KDM4C: variants seen among roughly 807,000 people sequenced by gnomAD.
The protein encoded by KDM4C is lysine-specific demethylase 4C.
In KDM4C, 81 loss-of-function variants were observed where a neutral mutation model predicts 129.3. The observed-to-expected ratio is 0.63, with a 90% CI of 0.52 to 0.75. The LOEUF is 0.75. Among genes scored for constraint, KDM4C ranks in the 30% least tolerant of loss-of-function variants. The pLI is 0.00. For missense variants in KDM4C, 1,457 were observed against 1,304.0 expected (o/e 1.12, Z -1.81); for synonymous variants, 573 against 456.1 (o/e 1.26, Z -3.26).
intron 14 of KDM4C, among the ~76,000 whole-genome samples, chr9:7,015,312 T>C (rs1190664249): frequency 6.6e-6 from 1 of 152,118 alleles, no homozygotes; most frequent in African/African-American, 2.4e-5. Context: ...CTTGATGCCA[T>C]ATAATTGCTA....
chr9:7,017,375 T>C (rs1823882874), intron 15 of KDM4C, among the ~76,000 whole-genome samples: 1 of 152,180 alleles, frequency 6.6e-6, no homozygotes, highest in Non-Finnish European at 1.5e-5. Flanking sequence ...TAACAAATGA[T>C]CCCCTATTTA....
At chr9:7,019,791 T>TTTTATATATAAAAATATAA (rs1257518354) in intron 15 of KDM4C, among the ~76,000 whole-genome samples, 10 of 58,500 alleles carry the variant, frequency 1.7e-4, no homozygotes, top group Non-Finnish European at 3.7e-4. Context: ...TAAAAATATT[T>TTTTATATATAAAAATATAA]TAGAAGCAAA....
At chr9:7,124,889 C>T (rs1427808625) in intron 18 of KDM4C, among the ~76,000 whole-genome samples, 4 of 152,118 alleles carry the variant, frequency 2.6e-5, no homozygotes, top group Admixed American at 6.5e-5. Context: ...AAGATGTTTG[C>T]TGGGAGGGGG....
intron 4 of KDM4C, among the ~76,000 whole-genome samples, chr9:6,818,284 T>C: frequency 6.6e-6 from 1 of 152,220 alleles, no homozygotes. Flanking sequence ...CAATTTCAAA[T>C]CGTACCTTGT....
chr9:7,005,983 G>T (rs151242536), intron 12 of KDM4C, among the ~76,000 whole-genome samples: 1 of 152,262 alleles, frequency 6.6e-6, no homozygotes, highest in South Asian at 2.1e-4. Context: ...ATATTTTCTA[G>T]TGTGACTTTT....
At chr9:6,814,206 A>G (rs1831665515) in intron 3 of KDM4C, among the ~76,000 whole-genome samples, 1 of 152,170 alleles carries the variant, frequency 6.6e-6, no homozygotes, top group Non-Finnish European at 1.5e-5. Context: ...TAACTGCAAA[A>G]TATCTTATTT....
Position 7,165,255 on chromosome 9 carries a change from G to T in KDM4C, c.2799G>T (p.Lys933Asn). 1 of 1,614,168 alleles carries T rather than the reference G, an allele frequency of 6.2e-7. No individual in the cohort carries two copies. The highest frequency in any genetic ancestry group is 8.5e-7 in the Non-Finnish European group (1 of 1,180,022). Residue 933 changes from lysine (K) to asparagine (N), a missense_variant, in exon 20 of 22, where the codon AAG (lysine) becomes AAT (asparagine). Physicochemically the swap from Lys to Asn is moderately conservative, Grantham distance 94. Coordinates refer to ENST00000381309, the MANE Select transcript of KDM4C (RefSeq NM_015061.6). ...TTCTGCAGAGCCGAGACTGTCTGAA[G>T]CTGGGCCCACCTGCTGAGGGAGAAG... Reference protein sequence around the residue: ...PEDIVSRDCLKLGPPAEGEVV... With the variant: ...PEDIVSRDCLNLGPPAEGEVV...
upstream of KDM4C, chr9:6,757,731 C>A: frequency 2.0e-6 from 2 of 985,640 alleles, no homozygotes; most frequent in Non-Finnish European, 2.4e-6. Context: ...CGCTTCCGGG[C>A]AAGGTTCTGT....
chr9:6,848,443 G>T (rs1288299990), intron 4 of KDM4C, among the ~76,000 whole-genome samples: 3 of 152,142 alleles, frequency 2.0e-5, no homozygotes, highest in Non-Finnish European at 4.4e-5. Flanking sequence ...GAGGTGGGCA[G>T]GTCACTTGAG....
intron 1 of KDM4C, among the ~76,000 whole-genome samples, chr9:6,748,317 G>A (rs1474562409): frequency 1.3e-5 from 2 of 152,106 alleles, no homozygotes; most frequent in African/African-American, 4.8e-5. Flanking sequence ...AGACCAGCCT[G>A]ACCAACATGG....
At chr9:6,809,546 A>C (rs1830760584) in intron 3 of KDM4C, among the ~76,000 whole-genome samples, 1 of 152,198 alleles carries the variant, frequency 6.6e-6, no homozygotes, top group African/African-American at 2.4e-5. Flanking sequence ...CTGCCATAGG[A>C]AAGGTACAAA....
chr9:6,795,376 G>C (rs548552172), intron 2 of KDM4C, among the ~76,000 whole-genome samples: 2 of 152,344 alleles, frequency 1.3e-5, no homozygotes, highest in East Asian at 1.9e-4. Flanking sequence ...CTGTTGCCCA[G>C]GCAGGAGTGC....
chr9:7,048,427 A>G (rs1012238853), intron 16 of KDM4C, among the ~76,000 whole-genome samples: 15 of 152,096 alleles, frequency 9.9e-5, no homozygotes, highest in Middle Eastern at 3.4e-3. Flanking sequence ...ATGATTCTTT[A>G]TATTTATTTT....
intron 8 of KDM4C, among the ~76,000 whole-genome samples, chr9:6,944,681 G>C (rs1463896549): frequency 3.3e-5 from 1 of 30,226 alleles, no homozygotes; most frequent in Admixed American, 4.0e-4. Flanking sequence ...TTTTGCCTCT[G>C]TGCAACAGGG....
chr9:6,834,733 G>C, intron 4 of KDM4C: 3 of 961,440 alleles, frequency 3.1e-6, no homozygotes, highest in Non-Finnish European at 5.1e-6. Context: ...TCTAAAGGGA[G>C]CTGCATGTGG....
At chr9:6,892,214 G>A (rs1371635774) in intron 7 of KDM4C, among the ~76,000 whole-genome samples, 1 of 152,042 alleles carries the variant, frequency 6.6e-6, no homozygotes, top group Non-Finnish European at 1.5e-5. Context: ...GGGTGCTGCT[G>A]GGTTAGAAAC....
intron 15 of KDM4C, among the ~76,000 whole-genome samples, chr9:7,020,021 C>T (rs181984446): frequency 9.2e-5 from 14 of 152,024 alleles, no homozygotes; most frequent in Admixed American, 6.6e-4. Flanking sequence ...GTGATGTGGG[C>T]TGGATCTTTA....
chr9:6,846,900 A>G (rs1304106071), intron 4 of KDM4C, among the ~76,000 whole-genome samples: 1 of 152,178 alleles, frequency 6.6e-6, no homozygotes, highest in Admixed American at 6.5e-5. Context: ...AGGAGGGTAC[A>G]AGAACCCTTG....
intron 12 of KDM4C, among the ~76,000 whole-genome samples, 164 bp from the exon 13 acceptor site, chr9:7,011,534 C>T (rs1219851066): frequency 1.3e-5 from 2 of 152,122 alleles, no homozygotes; most frequent in Non-Finnish European, 2.9e-5. Context: ...TATAAGGCAA[C>T]TTCCCTTATC....
Sources: allele counts gnomAD v4.1 joint callset (sites outside exome capture counted in the v4.1 genomes callset), GRCh38; gene constraint gnomAD v4.1.1; transcripts MANE v1.5; gene names NCBI Gene and HGNC (gene_info 2026-07-23, HGNC 2026-07-21).